Variants in IRAK1 observed in about 807,000 individuals in gnomAD.
IRAK1 encodes the protein interleukin-1 receptor-associated kinase 1.
IRAK1 carries 9 observed loss-of-function variants against 49.8 expected under a neutral mutation model. The observed-to-expected ratio is 0.18, with a 90% confidence interval of 0.11 to 0.32. IRAK1 has a LOEUF of 0.32. Ranked by LOEUF, IRAK1 falls within the 10% of genes least tolerant of loss-of-function variation. The probability of loss-of-function intolerance (pLI) is 1.00; values close to 1 mark genes in which losing one functional copy is unlikely to be tolerated. For missense variants in IRAK1, 418 were observed against 600.5 expected, an observed-to-expected ratio of 0.70 and a Z score of 3.18; for synonymous variants, 282 against 270.8, an observed-to-expected ratio of 1.04 and a Z score of -0.41.
At chrX:154,012,425 C>T (rs1557127736) in intron 13 of IRAK1, 104 bp downstream of exon 13, 10 of 970,320 alleles carry the variant, frequency 1.0e-5, no homozygotes, top group Non-Finnish European at 1.4e-5. Context: ...CAGTGGCCTG[C>T]CCGGCTGCCC....
rs367697342 is a variant in IRAK1 at position 154,016,512 on chromosome X, G to T, written c.1161C>A (p.Thr387=). 49 of 1,210,904 alleles carry T rather than the reference G, an allele frequency of 4.0e-5. No homozygotes were observed. The African/African-American group carries it at 6.9e-4, about 17-fold the overall frequency. The change falls in exon 9 of 14, where the codon ACC becomes ACA. Residue 387 remains threonine (T), a synonymous_variant. Transcript: ENST00000369980. ...MVARTQTVRG[T]LAYLPEEYIK... is the part of the protein sequence containing the mutation. The stretch of plus-strand genomic sequence containing the variant: ...TGTACTCCTCGGGCAGGTAGGCCAG[G>T]GTGCCCCGCACTGTCTGTGTCCGGG...
At chrX:154,012,501 C>T (rs781870458) in intron 13 of IRAK1, 28 bp downstream of exon 13, 2 of 1,196,111 alleles carry the variant, frequency 1.7e-6, no homozygotes, top group South Asian at 3.7e-5. Context: ...CGCCTGAGCA[C>T]CCCAGAGGCC....
chrX:154,014,393 A>G (rs1219208801), intron 10 of IRAK1, 115 bp from the exon 11 acceptor site: 3 of 683,528 alleles, frequency 4.4e-6, no homozygotes, highest in Non-Finnish European at 6.5e-6. Context: ...AAAAAAAAAA[A>G]GAGATGGGGT....
intron 12 of IRAK1, 124 bp from the exon 13 acceptor site, chrX:154,012,802 C>T: frequency 1.2e-6 from 1 of 841,850 alleles, no homozygotes; most frequent in East Asian, 3.4e-5. Context: ...GCCCAGCTCT[C>T]AGGCTACCAG....
intron 11 of IRAK1, 77 bp downstream of exon 11, chrX:154,013,965 G>A: frequency 1.8e-6 from 2 of 1,114,208 alleles, no homozygotes; most frequent in Non-Finnish European, 2.4e-6. Context: ...CAGGTGCTGA[G>A]ATGGGGTCAC....
At chrX:154,012,903 G>T in intron 12 of IRAK1, 140 bp downstream of exon 12, 1 of 846,001 alleles carries the variant, frequency 1.2e-6, no homozygotes, top group Non-Finnish European at 1.6e-6. Flanking sequence ...GCCTGGGGAG[G>T]GGAAACCAGG....
Position 154,013,075 on chromosome X carries a change from C to G in IRAK1, c.1898G>C (p.Ser633Thr). 8.3e-7 allele frequency: 1 copy of G among 1,209,904 alleles called. No individual in the cohort carries two copies. The highest frequency in any genetic ancestry group is 1.1e-6 in the Non-Finnish European group (1 of 895,444). ...GDTAGESSWG[S>T]GPGSRPTAVE... ...GGCTGTGGGCCGGGATCCTGGGCCACTCCCCCAGCTCGATTCTCCTGCCGT... is the reference window on the plus strand; with the variant it reads ...GGCTGTGGGCCGGGATCCTGGGCCAGTCCCCCAGCTCGATTCTCCTGCCGT... The change falls in exon 12 of 14, where the codon AGT becomes ACT. Residue 633 changes from serine to threonine, a missense_variant. Physicochemically the swap from Ser to Thr is moderately conservative, Grantham distance 58. This residue lies in a region of IRAK1 where 377 missense variants were observed against 499.5 expected (regional missense o/e 0.75). Coordinates refer to ENST00000369980, the MANE Select transcript of IRAK1 (RefSeq NM_001569.4).
At position 154,018,383 on chromosome X, in the gene IRAK1, A is replaced by C. The variant is rs781847934; in HGVS notation, c.730-28T>G. ...GCAGCCCCCAGGGTGCGGTGGGGGA[A>C]GGGGCAGGGAAGACGGGCAGCGTGA... is the stretch of plus-strand genomic sequence containing the variant. On this transcript the variant is annotated intron_variant, in intron 5 of 13. Transcript: ENST00000369980. 50 of 1,120,704 alleles carry C rather than the reference A, an allele frequency of 4.5e-5. No homozygotes were observed. The East Asian group carries it at 1.6e-3, about 35-fold the overall frequency. 92.4% of individuals were successfully genotyped at this position (1,120,704 alleles called of 1,213,427 possible).
chrX:154,012,051 T>G (rs1183338149), intron 13 of IRAK1, 134 bp from the exon 14 acceptor site: 3 of 520,033 alleles, frequency 5.8e-6, no homozygotes, highest in Non-Finnish European at 9.5e-6. Flanking sequence ...TTTGTTTGTT[T>G]GTTCATTTGT....
At chrX:154,014,763 T>C (rs782712476) in intron 10 of IRAK1, among the ~76,000 whole-genome samples, 3 of 111,179 alleles carry the variant, frequency 2.7e-5, no homozygotes, top group African/African-American at 9.8e-5. Flanking sequence ...CTTCTAGAGA[T>C]TTATTAAACA....
rs2065750057 is a variant in IRAK1 at position 154,017,817 on chromosome X, AAAAAAAAAAT to A, written c.909+179_909+188del. 5.0e-5 allele frequency among the ~76,000 whole-genome samples: 5 copies of A among 99,380 alleles called. No homozygotes were observed. In the South Asian group the frequency reaches 1.4e-3, roughly 28 times the overall value. 86.3% of individuals were successfully genotyped at this position (99,380 alleles called of 115,157 possible). ...CCTCAAAAAAAAAAAAAAAAAAAAAAAAAAAAAAATTGACCCCACCGTGGGCCAAATCCTG... is the reference window on the plus strand; with the variant it reads ...CCTCAAAAAAAAAAAAAAAAAAAAAATGACCCCACCGTGGGCCAAATCCTG... On this transcript the variant is annotated intron_variant, in intron 7 of 13. Transcript: ENST00000369980.
chrX:154,019,261 G>T lies in IRAK1; in HGVS notation c.372C>A (p.Pro124=). Residue 124 remains proline, a synonymous_variant, in exon 3 of 14, where the codon CCC becomes CCA. Transcript: ENST00000369980. ...GGGGGCTCCAGGCCTCGGCCTCGGC[G>T]GGTGCAGGGATGCTGCTGGGCCTCG... ...TAPRPSSIPA[P]AEAEAWSPRK... The T allele has an allele frequency of 8.3e-7, 1 of 1,203,886 alleles. No individual in the cohort carries two copies. The highest frequency in any genetic ancestry group is 1.1e-6 in the Non-Finnish European group (1 of 891,200).
rs782043087 is a variant in IRAK1 at position 154,013,395 on chromosome X, C to T, written c.1578G>A (p.Ala526=). 9 of 1,196,710 alleles carry T rather than the reference C, an allele frequency of 7.5e-6. No individual in the cohort carries two copies. The highest frequency in any genetic ancestry group is 3.5e-5 in the African/African-American group (2 of 56,678). ...ERLEKLQAVV[A]GVPGHSEAAS... is the part of the protein sequence containing the mutation. ...CGGCCTCCGAATGCCCGGGCACCCC[C>T]GCCACCACTGCCTGCAGCTTCTCTA... Residue 526 remains alanine (A), a synonymous_variant, in exon 12 of 14, where the codon GCG becomes GCA. Coordinates refer to ENST00000369980, the MANE Select transcript of IRAK1 (RefSeq NM_001569.4).
Position 154,019,611 on chromosome X carries a change from G to GGGCGTCA in IRAK1, c.137-20_137-14dup, listed in dbSNP as rs1557130919. Reference sequence around the variant, plus strand: ...ACGATCAGGGCGGCTGCGGGGCGGGGGGCGTCAGGCGTCGGCGCCAGGAGC... The same window carrying GGGCGTCA: ...ACGATCAGGGCGGCTGCGGGGCGGGGGGCGTCAGGCGTCAGGCGTCGGCGCCAGGAGC... On this transcript the variant is annotated splice_polypyrimidine_tract_variant and intron_variant, in intron 1 of 13. Coordinates refer to ENST00000369980, the MANE Select transcript of IRAK1 (RefSeq NM_001569.4). 1 of 994,367 alleles carries GGGCGTCA rather than the reference G, an allele frequency of 1.0e-6. No individual in the cohort carries two copies. Among genetic ancestry groups the GGGCGTCA allele is most frequent in the Admixed American group, 5.4e-5 (1 of 18,655 alleles). 81.9% of individuals were successfully genotyped at this position (994,367 alleles called of 1,213,427 possible).
intron 4 of IRAK1, 67 bp from the exon 5 acceptor site, chrX:154,018,854 CT>C: frequency 1.3e-6 from 1 of 755,494 alleles, no homozygotes; most frequent in South Asian, 2.5e-5. Context: ...GCTCCAGGCT[CT>C]CCCCACCACA....
In IRAK1 at chrX:154,019,841, GGGGCCTCTCAGGGCCGCGGCGGGCGC is replaced by G. The variant is rs1414778926; in HGVS notation, c.-55_-30del. On this transcript the variant is annotated 5_prime_UTR_variant, in exon 1 of 14. Transcript: ENST00000369980. The stretch of plus-strand genomic sequence containing the variant: ...TGCCGCCGCCGGGCCGGGACCTGCC[GGGGCCTCTCAGGGCCGCGGCGGGCGC>G]GGGCCTGGGCCGGCCGGGTCCGCGG... 2.1e-4 allele frequency: 163 copies of G among 793,058 alleles called. 3 individuals are homozygous for G. The South Asian group carries it at 5.6e-3, about 27-fold the overall frequency. 65.4% of individuals were successfully genotyped at this position (793,058 alleles called of 1,213,427 possible).
At chrX:154,013,741 G>A (rs1297215629) in intron 11 of IRAK1, among the ~76,000 whole-genome samples, 1 of 112,924 alleles carries the variant, frequency 8.9e-6, no homozygotes, top group Non-Finnish European at 1.9e-5. Context: ...GAAGAGGTGG[G>A]GTACTAGGGA....
Position 154,010,931 on chromosome X carries a change from GCCA to G in IRAK1, c.*925_*927del, listed in dbSNP as rs781984383. ...CGCCCAGGGATGGCCTGGCTTGCAG[GCCA>G]CCACATTAGGCCAGCTCGCAGGTCC... On this transcript the variant is annotated 3_prime_UTR_variant, in exon 14 of 14. Coordinates refer to ENST00000369980, the MANE Select transcript of IRAK1 (RefSeq NM_001569.4). The G allele has an allele frequency of 8.4e-4, 285 of 340,125 alleles. 1 individual carries two copies. The highest frequency in any genetic ancestry group is 1.1e-3 in the Non-Finnish European group (185 of 169,600). The allele number at this position is 340,125 out of a possible 1,213,427, so 28.0% of individuals were successfully genotyped here. A position where few individuals can be genotyped will look rare whatever the true frequency, so the allele number is the denominator to read the frequency against.
chrX:154,017,337 C>T (rs1243772313), intron 7 of IRAK1, among the ~76,000 whole-genome samples: 9 of 112,548 alleles, frequency 8.0e-5, no homozygotes, highest in African/African-American at 1.3e-4. Flanking sequence ...GCATTCTTCC[C>T]GCTCTCCCCA....
Sources: gnomAD v4.1 joint callset for allele counts (sites outside exome capture counted in the v4.1 genomes callset) on GRCh38, gnomAD v4.1.1 for gene constraint, gnomAD v4.1.1 regional missense constraint, MANE v1.5 for transcripts, NCBI Gene and HGNC (gene_info 2026-07-23, HGNC 2026-07-21) for gene names.